Variants in SIM1 observed in about 807,000 individuals in gnomAD.
The protein encoded by SIM1 is SIM bHLH transcription factor 1.
A neutral mutation model predicts 78.2 loss-of-function variants in SIM1; 18 were observed. That is an observed-to-expected ratio of 0.23 (90% CI 0.16 to 0.34). SIM1 has a LOEUF of 0.34. SIM1 is among the 10% of genes least tolerant of loss of function. SIM1 has a pLI of 1.00. For missense variants in SIM1, 939 were observed against 975.1 expected (o/e 0.96, Z 0.49); for synonymous variants, 417 against 385.2 (o/e 1.08, Z -0.97).
chr6:100,390,242 A>G lies in SIM1; in HGVS notation c.*119T>C. 9.1e-7 allele frequency: 1 copy of G among 1,095,854 alleles called. No individual in the cohort carries two copies. The highest frequency in any genetic ancestry group is 2.3e-5 in the Admixed American group (1 of 42,630). The allele number at this position is 1,095,854 out of a possible 1,614,324, so 67.9% of individuals were successfully genotyped here. A position where few individuals can be genotyped will look rare whatever the true frequency, so the allele number is the denominator to read the frequency against. ...GATTTTATAGGAACACGTATCAAAT[A>G]CCCAGTAACTTAAGTTATACTCTCT... On this transcript the variant is annotated 3_prime_UTR_variant, in exon 12 of 12. Coordinates refer to ENST00000369208, the MANE Select transcript of SIM1 (RefSeq NM_005068.3).
At chr6:100,450,692 T>TCA (rs1554224917) in intron 3 of SIM1, among the ~76,000 whole-genome samples, 5 of 88,286 alleles carry the variant, frequency 5.7e-5, no homozygotes, top group East Asian at 3.5e-4. Context: ...TCTCTCTCTC[T>TCA]CTCTCACACA....
At chr6:100,436,103 G>A (rs1424955021) in intron 9 of SIM1, among the ~76,000 whole-genome samples, 1 of 152,090 alleles carries the variant, frequency 6.6e-6, no homozygotes. Flanking sequence ...AACCACACCT[G>A]TGAGCTCATT....
chr6:100,440,835 G>A (rs1339161760), intron 9 of SIM1, among the ~76,000 whole-genome samples: 1 of 152,156 alleles, frequency 6.6e-6, no homozygotes, highest in Non-Finnish European at 1.5e-5. Context: ...AAATTATGAA[G>A]ATATGTATAA....
At chr6:100,456,011 A>G (rs1772643904) in intron 2 of SIM1, among the ~76,000 whole-genome samples, 1 of 152,140 alleles carries the variant, frequency 6.6e-6, no homozygotes, top group South Asian at 2.1e-4. Flanking sequence ...CCTGTCCGGC[A>G]CAGGTTAACA....
At chr6:100,410,568 G>A (rs2114487546) in intron 10 of SIM1, among the ~76,000 whole-genome samples, 1 of 152,204 alleles carries the variant, frequency 6.6e-6, no homozygotes, top group East Asian at 1.9e-4. Context: ...TGAGAAGCAA[G>A]TTATCCTCAG....
intron 10 of SIM1, among the ~76,000 whole-genome samples, chr6:100,408,668 A>G (rs1031903706): frequency 2.0e-5 from 3 of 152,124 alleles, no homozygotes; most frequent in African/African-American, 7.2e-5. Flanking sequence ...TATTGAGATG[A>G]TCACATGATT....
intron 2 of SIM1, among the ~76,000 whole-genome samples, chr6:100,461,837 CTTTCTTTT>C (rs1301630171): frequency 1.4e-5 from 1 of 72,884 alleles, no homozygotes; most frequent in African/African-American, 5.7e-5. Context: ...TTCTTTCTTT[CTTTCTTTT>C]TTTTTTTTTT....
At chr6:100,461,433 C>G (rs1264089662) in intron 2 of SIM1, among the ~76,000 whole-genome samples, 2 of 152,230 alleles carry the variant, frequency 1.3e-5, no homozygotes, top group Non-Finnish European at 2.9e-5. Flanking sequence ...GCTCGGTGCC[C>G]GCCCCAGAAC....
intron 2 of SIM1, chr6:100,462,705 G>C (rs1772886466): frequency 6.6e-6 from 1 of 152,226 alleles, no homozygotes; most frequent in Non-Finnish European, 1.5e-5. Context: ...TCAAGCTCCA[G>C]AGTTAGTTTC....
chr6:100,424,072 AC>A (rs1047111599), intron 9 of SIM1, among the ~76,000 whole-genome samples: 1 of 59,126 alleles, frequency 1.7e-5, no homozygotes, highest in Non-Finnish European at 3.2e-5. Context: ...CCCCCCTCCC[AC>A]CCCCCGCCCA....
In SIM1 at chr6:100,446,529, C is replaced by G. The variant is rs530917798; in HGVS notation, c.998+739G>C. Among the ~76,000 whole-genome samples the G allele has an allele frequency of 5.3e-5, 8 of 152,368 alleles. No individual in the cohort carries two copies. In the South Asian group the frequency reaches 1.7e-3, roughly 32 times the overall value. On this transcript the variant is annotated intron_variant, in intron 9 of 11. Transcript: ENST00000369208. The stretch of plus-strand genomic sequence containing the variant: ...ACACGCTTTCTTCACCAGCCGCACA[C>G]CAGGCCACGTGATGAGCCTGCAGGG...
In SIM1 at chr6:100,387,780, C is replaced by T. The variant is rs1335666969; in HGVS notation, c.*2581G>A. On this transcript the variant is annotated 3_prime_UTR_variant, in exon 12 of 12. Transcript: ENST00000369208. ...CTCTCATCTGTGAAATTCATAATTT[C>T]TTCTTCTCACCAGTTAACTATCTTC... 2 of 152,068 alleles carry T rather than the reference C, an allele frequency of 1.3e-5. No individual in the cohort carries two copies. Among genetic ancestry groups the T allele is most frequent in the Non-Finnish European group, 2.9e-5 (2 of 67,954 alleles). The allele number at this position is 152,068 out of a possible 1,614,324, so 9.4% of individuals were successfully genotyped here. A position where few individuals can be genotyped will look rare whatever the true frequency, so the allele number is the denominator to read the frequency against.
rs1772414062 is a variant in SIM1 at position 100,448,284 on chromosome 6, A to C, written c.744-32T>G. The C allele has an allele frequency of 2.6e-6, 4 of 1,561,172 alleles. No individual in the cohort carries two copies. The South Asian group carries it at 4.5e-5, about 18-fold the overall frequency. ...AGAGCAATCCCTGCAGGATGAATGC[A>C]GGCGCGGGTGCAGGGATGCCCTCCC... is the stretch of plus-strand genomic sequence containing the variant. On this transcript the variant is annotated intron_variant, in intron 7 of 11. Coordinates refer to ENST00000369208, the MANE Select transcript of SIM1 (RefSeq NM_005068.3).
intron 10 of SIM1, among the ~76,000 whole-genome samples, chr6:100,403,807 A>G (rs745785777): frequency 6.6e-6 from 1 of 152,258 alleles, no homozygotes; most frequent in African/African-American, 2.4e-5. Context: ...GTCACTATGC[A>G]GATTCCGTAC....
rs1304885063 is a variant in SIM1, at chr6:100,388,269, T to A, written c.*2092A>T. The A allele has an allele frequency of 6.6e-6, 1 of 152,234 alleles. No homozygotes were observed. The highest frequency in any genetic ancestry group is 1.9e-4 in the East Asian group (1 of 5,200). The allele number at this position is 152,234 out of a possible 1,614,324, so 9.4% of individuals were successfully genotyped here. On this transcript the variant is annotated 3_prime_UTR_variant, in exon 12 of 12. Coordinates refer to ENST00000369208, the MANE Select transcript of SIM1 (RefSeq NM_005068.3). ...ACTCAAGTCCTGCCTGTTGGCCCTG[T>A]GGCGCTCACTTATACAAAACATCGC...
At chr6:100,440,659 G>T (rs777156329) in intron 9 of SIM1, among the ~76,000 whole-genome samples, 1 of 152,118 alleles carries the variant, frequency 6.6e-6, no homozygotes, top group African/African-American at 2.4e-5. Context: ...TCCAAATTTC[G>T]TCTAAACTCC....
intron 9 of SIM1, chr6:100,437,512 T>A (rs939089428): frequency 6.6e-6 from 1 of 152,094 alleles, no homozygotes. Flanking sequence ...CAATAAGATT[T>A]ACATTCAGAA....
chr6:100,405,499 TC>T (rs914020308), intron 10 of SIM1, among the ~76,000 whole-genome samples: 9 of 152,198 alleles, frequency 5.9e-5, no homozygotes, highest in African/African-American at 2.2e-4. Context: ...TCACAAGATT[TC>T]CCCCCATTAT....
At chr6:100,446,758 T>G (rs1772366122) in intron 9 of SIM1, among the ~76,000 whole-genome samples, 1 of 152,298 alleles carries the variant, frequency 6.6e-6, no homozygotes, top group East Asian at 1.9e-4. Flanking sequence ...TTCTACGAGT[T>G]AAAGTCAGAT....
Sources: allele counts gnomAD v4.1 joint callset (sites outside exome capture counted in the v4.1 genomes callset), GRCh38; gene constraint gnomAD v4.1.1; transcripts MANE v1.5; gene names NCBI Gene and HGNC (gene_info 2026-07-23, HGNC 2026-07-21).